The following GAB3 variants were observed in gnomAD, a reference collection of about 807,000 sequenced individuals.
GAB3 encodes GRB2-associated-binding protein 3.
In GAB3, 12 loss-of-function variants were observed where a neutral mutation model predicts 40.4. The observed-to-expected ratio is 0.30, with a 90% CI of 0.19 to 0.48. The LOEUF (loss-of-function observed/expected upper bound fraction) is 0.48, where lower values mean the gene tolerates loss of function less well. GAB3 is among the 20% of genes least tolerant of loss of function. GAB3 has a pLI of 0.99. For missense variants in GAB3, 381 were observed against 461.9 expected (o/e 0.82, Z 1.61); for synonymous variants, 154 against 176.7 (o/e 0.87, Z 1.02).
intron 2 of GAB3, among the ~76,000 whole-genome samples, chrX:154,715,434 G>C (rs1303343087): frequency 1.8e-5 from 2 of 109,525 alleles, no homozygotes; most frequent in African/African-American, 6.6e-5. Context: ...GTGGCAGAGA[G>C]AGAGAGAGAG....
intron 1 of GAB3, among the ~76,000 whole-genome samples, chrX:154,733,884 T>C (rs1485739866): frequency 3.6e-5 from 4 of 112,331 alleles, no homozygotes; most frequent in African/African-American, 9.7e-5. Context: ...GTCAGTTATC[T>C]GTCCTGGAGG....
At chrX:154,736,133 G>T (rs1015339023) in intron 1 of GAB3, among the ~76,000 whole-genome samples, 1 of 112,507 alleles carries the variant, frequency 8.9e-6, no homozygotes, top group Non-Finnish European at 1.9e-5. Context: ...TAGTACTAGC[G>T]GTGCTAGTAA....
chrX:154,676,153 ATTTCT>A lies in GAB3; in HGVS notation c.*2020_*2024del, dbSNP rs1275744578. 7 of 111,147 alleles carry A rather than the reference ATTTCT, an allele frequency of 6.3e-5. No individual in the cohort carries two copies. Among genetic ancestry groups the A allele is most frequent in the Admixed American group, 1.9e-4 (2 of 10,520 alleles). The allele number at this position is 111,147 out of a possible 1,213,427, so 9.2% of individuals were successfully genotyped here. ...TTCTGGAAATGTTTGGTAGAAACAG[ATTTCT>A]TTTCTTTTTTCGGTGGGTCAATGGA... On this transcript the variant is annotated 3_prime_UTR_variant, in exon 10 of 10. Transcript: ENST00000424127.
chrX:154,703,772 G>A (rs781787731), intron 4 of GAB3, among the ~76,000 whole-genome samples: 2 of 112,168 alleles, frequency 1.8e-5, no homozygotes, highest in South Asian at 7.4e-4. Context: ...GGAGAAAAGG[G>A]AACCTTTGTA....
chrX:154,705,910 C>A (rs1557253481), intron 4 of GAB3, among the ~76,000 whole-genome samples: 1 of 111,705 alleles, frequency 9.0e-6, no homozygotes, highest in African/African-American at 3.3e-5. Context: ...ACAAAATCAA[C>A]ATACAAAAAT....
chrX:154,698,819 C>T (rs1211871232), intron 6 of GAB3, among the ~76,000 whole-genome samples: 2 of 112,026 alleles, frequency 1.8e-5, no homozygotes, highest in Non-Finnish European at 3.8e-5. Flanking sequence ...CCTCTGCTGA[C>T]GGGCATGCAC....
At chrX:154,695,594 C>G (rs1454099679) in intron 8 of GAB3, among the ~76,000 whole-genome samples, 2 of 112,244 alleles carry the variant, frequency 1.8e-5, no homozygotes, top group Non-Finnish European at 3.8e-5. Flanking sequence ...AACTACAAAC[C>G]TATTGGGGTC....
chrX:154,749,327 C>G (rs1313188752), intron 1 of GAB3, among the ~76,000 whole-genome samples: 6 of 112,853 alleles, frequency 5.3e-5, no homozygotes, highest in Non-Finnish European at 9.4e-5. Flanking sequence ...CTTTGCCCTC[C>G]AGGGGCATCT....
rs1235999230 is a variant in GAB3 at position 154,678,149 on chromosome X, G to C, written c.*29C>G. On this transcript the variant is annotated 3_prime_UTR_variant, in exon 10 of 10. Transcript: ENST00000424127. ...CTCAAACTGAGCCCCAAGCTTCCCT[G>C]TTTCACACATGGCACAAGCCCGCAC... 2.6e-6 allele frequency: 2 copies of C among 780,548 alleles called. No individual in the cohort carries two copies. The highest frequency in any genetic ancestry group is 4.4e-5 in the African/African-American group (2 of 45,821). 64.3% of individuals were successfully genotyped at this position (780,548 alleles called of 1,213,427 possible).
rs781931091 is a variant in GAB3, at chrX:154,721,756, C to T, written c.73-5427G>A. The stretch of plus-strand genomic sequence containing the variant: ...GAATGGCAATTATCAAAAAGACAAG[C>T]GATAACAAGTGTTGGTGAGGGTGTG... On this transcript the variant is annotated intron_variant, in intron 1 of 9. Coordinates refer to ENST00000424127, the MANE Select transcript of GAB3 (RefSeq NM_001081573.3). Among the ~76,000 whole-genome samples, 11 of 112,152 alleles carry T rather than the reference C, an allele frequency of 9.8e-5. No homozygotes were observed. The East Asian group carries it at 2.5e-3, about 26-fold the overall frequency.
At chrX:154,711,751 G>A (rs2070951192) in intron 4 of GAB3, among the ~76,000 whole-genome samples, 1 of 112,052 alleles carries the variant, frequency 8.9e-6, no homozygotes, top group Non-Finnish European at 1.9e-5. Flanking sequence ...ACTGAGTTAA[G>A]ACAAAAGACA....
At position 154,678,155 on chromosome X, in the gene GAB3, C is replaced by A; in HGVS notation, c.*23G>T. On this transcript the variant is annotated 3_prime_UTR_variant, in exon 10 of 10. Transcript: ENST00000424127. ...CTGAGCCCCAAGCTTCCCTGTTTCACACATGGCACAAGCCCGCACCTCTCA... is the reference window on the plus strand; with the variant it reads ...CTGAGCCCCAAGCTTCCCTGTTTCAAACATGGCACAAGCCCGCACCTCTCA... 3 of 837,822 alleles carry A rather than the reference C, an allele frequency of 3.6e-6. No homozygotes were observed. Among genetic ancestry groups the A allele is most frequent in the Non-Finnish European group, 5.2e-6 (3 of 580,454 alleles). 69.0% of individuals were successfully genotyped at this position (837,822 alleles called of 1,213,427 possible).
chrX:154,686,939 C>T (rs1354597287), intron 8 of GAB3, among the ~76,000 whole-genome samples: 1 of 111,271 alleles, frequency 9.0e-6, no homozygotes, highest in Non-Finnish European at 1.9e-5. Flanking sequence ...CCTGTATTCC[C>T]AGCACTTTGG....
chrX:154,746,052 CAA>C (rs201582710), intron 1 of GAB3, among the ~76,000 whole-genome samples: 10 of 31,527 alleles, frequency 3.2e-4, no homozygotes, highest in Non-Finnish European at 3.6e-4. Context: ...AACTCCATCT[CAA>C]AAAAAAAAAA....
chrX:154,738,491 T>G (rs1189077270), intron 1 of GAB3, among the ~76,000 whole-genome samples: 2 of 112,234 alleles, frequency 1.8e-5, no homozygotes, highest in Non-Finnish European at 3.8e-5. Context: ...ACACGATTAT[T>G]TGGGCAGCAT....
chrX:154,728,534 A>T (rs1557259602), intron 1 of GAB3, among the ~76,000 whole-genome samples: 1 of 112,409 alleles, frequency 8.9e-6, no homozygotes, highest in African/African-American at 3.2e-5. Flanking sequence ...GGAGAAAAAA[A>T]AATGTTGCTA....
At chrX:154,713,652 G>C (rs2070992134) in intron 2 of GAB3, among the ~76,000 whole-genome samples, 1 of 98,122 alleles carries the variant, frequency 1.0e-5, no homozygotes, top group South Asian at 5.0e-4. Context: ...CAGCATTCTT[G>C]GCCCAAAAAT....
At chrX:154,745,674 C>T (rs2071514667) in intron 1 of GAB3, among the ~76,000 whole-genome samples, 1 of 111,731 alleles carries the variant, frequency 9.0e-6, no homozygotes. Flanking sequence ...AGAACTTAGA[C>T]AAAATAGAGA....
Position 154,713,356 on chromosome X carries a change from G to A in GAB3, c.447C>T (p.Thr149=), listed in dbSNP as rs782558052. Reference sequence around the variant, plus strand: ...GCAAAGAGGAGCTGGCAGCATGGGCGGTAAGAAGGGAGCTGGCAGAGGATG... The same window carrying A: ...GCAAAGAGGAGCTGGCAGCATGGGCAGTAAGAAGGGAGCTGGCAGAGGATG... ...LQPSSASSLL[T]AHAASSSLPR... The change falls in exon 3 of 10, where the codon ACC becomes ACT. Residue 149 remains threonine, a synonymous_variant. Transcript: ENST00000424127. The A allele has an allele frequency of 5.8e-6, 7 of 1,210,348 alleles. No homozygotes were observed. Among genetic ancestry groups the A allele is most frequent in the South Asian group, 1.8e-5 (1 of 56,924 alleles).
Sources: allele counts gnomAD v4.1 joint callset (sites outside exome capture counted in the v4.1 genomes callset), GRCh38; gene constraint gnomAD v4.1.1; transcripts MANE v1.5; gene names NCBI Gene and HGNC (gene_info 2026-07-23, HGNC 2026-07-21).